The following LIPH variants were observed in gnomAD, a reference collection of about 807,000 sequenced individuals.
The protein encoded by LIPH is lipase H, also known as lipase member H.
LIPH carries 32 observed loss-of-function variants against 47.6 expected under a neutral mutation model. That is an observed-to-expected ratio of 0.67 (90% CI 0.51 to 0.90). The LOEUF is 0.90. Among genes scored for constraint, LIPH ranks in the 40% least tolerant of loss-of-function variants. LIPH has a pLI of 0.00. For missense variants in LIPH, 497 were observed against 541.4 expected (o/e 0.92, Z 0.81); for synonymous variants, 190 against 195.6 (o/e 0.97, Z 0.24).
intron 3 of LIPH, among the ~76,000 whole-genome samples, chr3:185,528,146 C>G (rs532085246): frequency 6.6e-6 from 1 of 151,526 alleles, no homozygotes; most frequent in Non-Finnish European, 1.5e-5. Context: ...ATCGCTTGAA[C>G]CCGGGAGGCA....
At chr3:185,529,987 A>AGAGGGG (rs1553823344) in intron 3 of LIPH, among the ~76,000 whole-genome samples, 7 of 149,390 alleles carry the variant, frequency 4.7e-5, no homozygotes, top group African/African-American at 1.5e-4. Flanking sequence ...AGAGAGAGAG[A>AGAGGGG]GAGAAAATAA....
intron 1 of LIPH, among the ~76,000 whole-genome samples, chr3:185,538,908 C>CACATATATACATATATAT (rs1560169711): frequency 1.7e-5 from 1 of 59,208 alleles, no homozygotes; most frequent in Non-Finnish European, 3.9e-5. Flanking sequence ...TACACATATA[C>CACATATATACATATATAT]ACATATATAC....
chr3:185,524,738 T>G (rs921222363), intron 4 of LIPH, among the ~76,000 whole-genome samples: 7 of 152,160 alleles, frequency 4.6e-5, no homozygotes, highest in African/African-American at 1.7e-4. Context: ...CATGAGCCAT[T>G]GCGCCTGGCC....
At chr3:185,548,093 C>T (rs965677341) in intron 1 of LIPH, among the ~76,000 whole-genome samples, 1 of 152,110 alleles carries the variant, frequency 6.6e-6, no homozygotes, top group Non-Finnish European at 1.5e-5. Context: ...AGGCCAGAAA[C>T]TTTGCCTTCC....
intron 3 of LIPH, among the ~76,000 whole-genome samples, chr3:185,529,962 GAAGGAAA>G (rs1720273439): frequency 1.7e-5 from 1 of 57,402 alleles, no homozygotes; most frequent in African/African-American, 5.5e-5. Context: ...AAGAAAGAAA[GAAGGAAA>G]GAAAGAAAGA....
At chr3:185,517,198 T>C in intron 6 of LIPH, 36 bp from the exon 7 acceptor site, 1 of 1,126,382 alleles carries the variant, frequency 8.9e-7, no homozygotes, top group Non-Finnish European at 1.4e-6. Context: ...AAGATTAATA[T>C]GTATTATACA....
intron 1 of LIPH, among the ~76,000 whole-genome samples, chr3:185,535,514 A>G (rs1374781103): frequency 1.3e-5 from 2 of 151,066 alleles, no homozygotes; most frequent in African/African-American, 4.9e-5. Flanking sequence ...TTTTGACCTC[A>G]AGTGATCCAC....
At chr3:185,510,511 T>A (rs1218343529) in intron 9 of LIPH, among the ~76,000 whole-genome samples, 3 of 152,180 alleles carry the variant, frequency 2.0e-5, no homozygotes, top group Admixed American at 2.0e-4. Flanking sequence ...GTTTACTCCT[T>A]AATACTTCAT....
chr3:185,528,149 G>A (rs547084165), intron 3 of LIPH, among the ~76,000 whole-genome samples: 1 of 151,466 alleles, frequency 6.6e-6, no homozygotes, highest in Non-Finnish European at 1.5e-5. Context: ...GCTTGAACCC[G>A]GGAGGCAGAG....
At chr3:185,520,381 T>C (rs1464968412) in intron 5 of LIPH, among the ~76,000 whole-genome samples, 1 of 151,788 alleles carries the variant, frequency 6.6e-6, no homozygotes, top group Non-Finnish European at 1.5e-5. Context: ...TAGCCGGGCA[T>C]GGTGGCGCGC....
At position 185,517,054 on chromosome 3, in the gene LIPH, A is replaced by G. The variant is rs1446023114; in HGVS notation, c.982+13T>C. On this transcript the variant is annotated intron_variant, in intron 7 of 9. Transcript: ENST00000296252. ...GAGTTAGGCAAAAGCCAACAACCAC[A>G]TTCACCACTCACTGCAGAATGGGCT... is the stretch of plus-strand genomic sequence containing the variant. 5 of 1,570,324 alleles carry G rather than the reference A, an allele frequency of 3.2e-6. No homozygotes were observed. Among genetic ancestry groups the G allele is most frequent in the Admixed American group, 1.7e-5 (1 of 59,980 alleles).
intron 1 of LIPH, chr3:185,546,815 A>G (rs542527870): frequency 1.3e-5 from 5 of 386,238 alleles, no homozygotes; most frequent in South Asian, 9.8e-5. Context: ...AAAACAAACA[A>G]AAAACAAAAC....
intron 9 of LIPH, among the ~76,000 whole-genome samples, chr3:185,510,091 T>G (rs151066270): frequency 0.013 from 1,982 of 151,826 alleles, 54 homozygotes; most frequent in African/African-American, 0.046. Flanking sequence ...GGATTACAGG[T>G]GCACACCACC....
At position 185,511,619 on chromosome 3, in the gene LIPH, T is replaced by C. The variant is rs1420056266; in HGVS notation, c.1173A>G (p.Ala391=). Residue 391 remains alanine (A), a synonymous_variant, in exon 9 of 10, where the codon GCA becomes GCG. Coordinates refer to ENST00000296252, the MANE Select transcript of LIPH (RefSeq NM_139248.3). ...ATCCTGTAGAGAACATCAAGGAAATTGCAGCCACTTTATCCAGATCTTGAT... is the reference window on the plus strand; with the variant it reads ...ATCCTGTAGAGAACATCAAGGAAATCGCAGCCACTTTATCCAGATCTTGAT... ...RFNQDLDKVA[A]ISLMFSTGSL... 3 of 1,613,350 alleles carry C rather than the reference T, an allele frequency of 1.9e-6. No homozygotes were observed. Among genetic ancestry groups the C allele is most frequent in the East Asian group, 2.2e-5 (1 of 44,892 alleles).
Position 185,514,437 on chromosome 3 carries a change from C to A in LIPH, c.1067G>T (p.Gly356Val). 1 of 1,569,044 alleles carries A rather than the reference C, an allele frequency of 6.4e-7. No individual in the cohort carries two copies. Among genetic ancestry groups the A allele is most frequent in the East Asian group, 2.2e-5 (1 of 44,650 alleles). The change falls in exon 8 of 10, where the codon GGA becomes GTA. Residue 356 changes from glycine (G) to valine (V), a missense_variant. Coordinates refer to ENST00000296252, the MANE Select transcript of LIPH (RefSeq NM_139248.3). ...ATTGATTTTGGATTCTGTGGTGTTT[C>A]CAGCTTTGTCTCTCAATTTGATGGT... Reference protein sequence around the residue: ...DITIKLRDKAGNTTESKINHE... With the variant: ...DITIKLRDKAVNTTESKINHE...
At chr3:185,528,924 G>A (rs768415805) in intron 3 of LIPH, among the ~76,000 whole-genome samples, 2 of 151,522 alleles carry the variant, frequency 1.3e-5, no homozygotes, top group Non-Finnish European at 2.9e-5. Context: ...AGCACTTTGG[G>A]AGGCCGAGGT....
rs146313680 is a variant in LIPH at position 185,508,339 on chromosome 3, T to G, written c.*451A>C. On this transcript the variant is annotated 3_prime_UTR_variant, in exon 10 of 10. Transcript: ENST00000296252. ...CTCCCAAACCCACACAGCAGCCCCA[T>G]GAGGTAGACGTCAGTTTCGTTCCCT... is the stretch of plus-strand genomic sequence containing the variant. The G allele has an allele frequency of 3.1e-4, 58 of 184,530 alleles. No homozygotes were observed. The highest frequency in any genetic ancestry group is 5.8e-4 in the Non-Finnish European group (50 of 86,244). The allele number at this position is 184,530 out of a possible 1,614,324, so 11.4% of individuals were successfully genotyped here.
rs1293021939 is a variant in LIPH at position 185,528,338 on chromosome 3, G to GAAAGAAAGAAAGAA, written c.527-767_527-754dup. Reference sequence around the variant, plus strand: ...AAGAAAGAAAGAAGAAAGAAAGAAAGAAAGAAAGAAAGAAAGAAAGCGCTA... The same window carrying GAAAGAAAGAAAGAA: ...AAGAAAGAAAGAAGAAAGAAAGAAAGAAAGAAAGAAAGAAAAAGAAAGAAAGAAAGAAAGCGCTA... On this transcript the variant is annotated intron_variant, in intron 3 of 9. Coordinates refer to ENST00000296252, the MANE Select transcript of LIPH (RefSeq NM_139248.3). Among the ~76,000 whole-genome samples the GAAAGAAAGAAAGAA allele has an allele frequency of 4.0e-5, 6 of 150,000 alleles. 1 individual carries two copies. The highest frequency in any genetic ancestry group is 1.5e-4 in the African/African-American group (6 of 40,700).
intron 5 of LIPH, among the ~76,000 whole-genome samples, chr3:185,521,191 A>C (rs757548987): frequency 1.3e-5 from 2 of 152,192 alleles, no homozygotes; most frequent in Non-Finnish European, 2.9e-5. Context: ...TATCTTGAAT[A>C]GAATAACTTT....
Sources: gnomAD v4.1 joint callset for allele counts (sites outside exome capture counted in the v4.1 genomes callset) on GRCh38, gnomAD v4.1.1 for gene constraint, MANE v1.5 for transcripts, NCBI Gene and HGNC (gene_info 2026-07-23, HGNC 2026-07-21) for gene names.